Variants in SLC41A3 observed in about 807,000 individuals in gnomAD.
SLC41A3 encodes solute carrier family 41 member 3, also known as SLC41A1-like 2.
A neutral mutation model predicts 45.4 loss-of-function variants in SLC41A3; 44 were observed. The observed-to-expected ratio is 0.97, with a 90% confidence interval of 0.76 to 1.25. The LOEUF is 1.25. Ranked by LOEUF, SLC41A3 falls within the 50% of genes most tolerant of loss-of-function variation. The probability of loss-of-function intolerance (pLI) is 0.00; values close to 1 mark genes in which losing one functional copy is unlikely to be tolerated. For synonymous variants in SLC41A3, 256 were observed against 252.4 expected (o/e 1.01, Z -0.13); for missense variants, 550 against 600.6 (o/e 0.92, Z 0.88).
chr3:126,077,889 T>C (rs1944953597), intron 1 of SLC41A3, among the ~76,000 whole-genome samples: 1 of 152,034 alleles, frequency 6.6e-6, no homozygotes, highest in South Asian at 2.1e-4. Context: ...TGATGTGCAG[T>C]GGGGACAGGG....
intron 1 of SLC41A3, among the ~76,000 whole-genome samples, chr3:126,090,917 G>A (rs769129265): frequency 1.3e-5 from 2 of 152,114 alleles, no homozygotes; most frequent in African/African-American, 2.4e-5. Flanking sequence ...TCCCCTGCTT[G>A]TCATGGAGTG....
chr3:126,069,480 C>G (rs568881339), intron 1 of SLC41A3, among the ~76,000 whole-genome samples: 2 of 152,228 alleles, frequency 1.3e-5, no homozygotes, highest in South Asian at 4.2e-4. Context: ...AATCACTACG[C>G]AAACAACAAC....
intron 5 of SLC41A3, chr3:126,025,618 G>GC (rs1941275093): frequency 6.6e-6 from 1 of 152,080 alleles, no homozygotes; most frequent in Non-Finnish European, 1.5e-5. Flanking sequence ...GAGGATGGGG[G>GC]CCCCACGAAT....
At chr3:126,042,691 C>A (rs1410497934) in intron 3 of SLC41A3, among the ~76,000 whole-genome samples, 1 of 151,650 alleles carries the variant, frequency 6.6e-6, no homozygotes, top group African/African-American at 2.4e-5. Flanking sequence ...AAAATATCAA[C>A]AAAGAAACAG....
At chr3:126,011,805 C>T (rs557178707) in intron 9 of SLC41A3, among the ~76,000 whole-genome samples, 1 of 152,256 alleles carries the variant, frequency 6.6e-6, no homozygotes, top group South Asian at 2.1e-4. Context: ...CTATTGACAC[C>T]GAATTTTACA....
intron 1 of SLC41A3, among the ~76,000 whole-genome samples, chr3:126,069,031 G>A (rs1944489470): frequency 6.6e-6 from 1 of 151,704 alleles, no homozygotes; most frequent in South Asian, 2.1e-4. Flanking sequence ...TGTCAACAGG[G>A]GTTTCGAAAA....
At chr3:126,055,866 C>G (rs1943625009) in intron 2 of SLC41A3, among the ~76,000 whole-genome samples, 1 of 152,126 alleles carries the variant, frequency 6.6e-6, no homozygotes, top group Non-Finnish European at 1.5e-5. Flanking sequence ...TTACCAGGGG[C>G]CACGCCAGGA....
At chr3:126,080,299 G>C (rs1945086666) in intron 1 of SLC41A3, among the ~76,000 whole-genome samples, 1 of 152,040 alleles carries the variant, frequency 6.6e-6, no homozygotes, top group Admixed American at 6.6e-5. Context: ...GAAAATATCT[G>C]AAACCACTCA....
At chr3:126,085,519 C>T (rs1291529791), upstream of SLC41A3, 2 of 152,218 alleles carry the variant, frequency 1.3e-5, no homozygotes, top group African/African-American at 4.8e-5. Context: ...TTAAGTTCTC[C>T]TGAGCCCCAG....
chr3:126,060,156 T>C (rs959217755), intron 2 of SLC41A3, among the ~76,000 whole-genome samples: 1 of 152,212 alleles, frequency 6.6e-6, no homozygotes, highest in Non-Finnish European at 1.5e-5. Flanking sequence ...CGGTGGCTAA[T>C]GCCTGTAATC....
intron 9 of SLC41A3, among the ~76,000 whole-genome samples, chr3:126,009,837 A>G (rs1317123281): frequency 6.6e-6 from 1 of 152,254 alleles, no homozygotes; most frequent in Admixed American, 6.5e-5. Context: ...CATGTAAACA[A>G]TAAGAATTCA....
At chr3:126,077,290 G>C (rs535689407) in intron 1 of SLC41A3, among the ~76,000 whole-genome samples, 19 of 152,114 alleles carry the variant, frequency 1.2e-4, no homozygotes, top group Non-Finnish European at 2.2e-4. Flanking sequence ...TGACGCAGGA[G>C]AATCACTTGA....
intron 1 of SLC41A3, among the ~76,000 whole-genome samples, chr3:126,074,665 G>A (rs914614748): frequency 4.0e-5 from 6 of 151,764 alleles, no homozygotes; most frequent in African/African-American, 1.5e-4. Flanking sequence ...TGGGTTTTTG[G>A]GTTGTTTGGT....
At chr3:126,052,451 C>T (rs1208886200) in intron 2 of SLC41A3, among the ~76,000 whole-genome samples, 1 of 152,210 alleles carries the variant, frequency 6.6e-6, no homozygotes, top group Non-Finnish European at 1.5e-5. Context: ...ACCCCAAAGT[C>T]ACAGCAAACT....
At chr3:126,038,457 T>C (rs1186021334) in intron 3 of SLC41A3, among the ~76,000 whole-genome samples, 3 of 152,220 alleles carry the variant, frequency 2.0e-5, no homozygotes, top group Non-Finnish European at 2.9e-5. Context: ...CTCACACCAG[T>C]GTGCCCTGAA....
rs1941311392 is a variant in SLC41A3, at chr3:126,026,052, C to T, written c.598+283G>A. Among the ~76,000 whole-genome samples the T allele has an allele frequency of 6.6e-6, 1 of 152,188 alleles. No homozygotes were observed. Among genetic ancestry groups the T allele is most frequent in the South Asian group, 2.1e-4 (1 of 4,830 alleles). Reference sequence around the variant, plus strand: ...GTCAGGCCTCAGCACGGGAGTGTGACCAGCTGAAGAGACCTGCAGAGCAGG... The same window carrying T: ...GTCAGGCCTCAGCACGGGAGTGTGATCAGCTGAAGAGACCTGCAGAGCAGG... On this transcript the variant is annotated intron_variant, in intron 5 of 10. Transcript: ENST00000360370. The surrounding 1 kb of genome is among the most constrained non-coding windows in gnomAD (Gnocchi z 4.2).
intron 3 of SLC41A3, among the ~76,000 whole-genome samples, chr3:126,041,152 G>A (rs1942565660): frequency 6.6e-6 from 1 of 151,744 alleles, no homozygotes; most frequent in South Asian, 2.1e-4. Context: ...GTGAATCAGT[G>A]AAAAATTAAA....
In SLC41A3 at chr3:126,016,835, C is replaced by A; in HGVS notation, c.786G>T (p.Ala262=). The A allele has an allele frequency of 1.2e-6, 2 of 1,613,140 alleles. No individual in the cohort carries two copies. The highest frequency in any genetic ancestry group is 1.7e-6 in the Non-Finnish European group (2 of 1,179,842). The part of the protein sequence containing the change: ...YLTPLVCLSF[A]ALTPVWVLIA... ...TGAGGACCCACACTGGGGTCAGAGC[C>A]GCAAAGCTGAGGCAGACCAGCGGCG... Residue 262 remains alanine, a synonymous_variant, in exon 7 of 11, where the codon GCG becomes GCT. Transcript: ENST00000360370.
intron 3 of SLC41A3, among the ~76,000 whole-genome samples, chr3:126,039,549 AG>A: frequency 6.6e-6 from 1 of 152,202 alleles, no homozygotes; most frequent in Non-Finnish European, 1.5e-5. Flanking sequence ...CTGCTGACCC[AG>A]GTCACTGCTG....
Sources: allele counts gnomAD v4.1 joint callset (sites outside exome capture counted in the v4.1 genomes callset), GRCh38; gene constraint gnomAD v4.1.1; non-coding constraint Gnocchi (gnomAD v3.1); transcripts MANE v1.5; gene names NCBI Gene and HGNC (gene_info 2026-07-23, HGNC 2026-07-21).